The following TBC1D22B variants were observed in gnomAD, a reference collection of about 807,000 sequenced individuals.
TBC1D22B encodes chromosome 6 open reading frame 197.
Under a neutral mutation model 69.1 loss-of-function variants are expected in TBC1D22B, and 32 were observed. The ratio of observed to expected loss-of-function variants is 0.46; its 90% CI spans 0.35 to 0.62. The LOEUF is 0.62. Among genes scored for constraint, TBC1D22B ranks in the 20% least tolerant of loss-of-function variants. The pLI, the probability that TBC1D22B is intolerant of heterozygous loss-of-function variation, is 0.00. For missense variants in TBC1D22B, 462 were observed against 630.9 expected (o/e 0.73, Z 2.87); for synonymous variants, 206 against 229.8 (o/e 0.90, Z 0.94).
chr6:37,309,926 AAATT>A (rs1045441923), intron 8 of TBC1D22B, among the ~76,000 whole-genome samples: 18 of 149,282 alleles, frequency 1.2e-4, no homozygotes, highest in African/African-American at 3.4e-4. Flanking sequence ...TCATTTAACT[AAATT>A]AATTAATTAT....
intron 2 of TBC1D22B, among the ~76,000 whole-genome samples, chr6:37,273,197 A>G (rs1766552752): frequency 6.6e-6 from 1 of 152,022 alleles, no homozygotes; most frequent in Admixed American, 6.5e-5. Context: ...AAAAAAAAAA[A>G]AAAAAAAACG....
chr6:37,316,501 C>G (rs7766759), intron 10 of TBC1D22B, among the ~76,000 whole-genome samples: 3,971 of 152,270 alleles, frequency 0.026, 166 homozygotes, highest in African/African-American at 0.089. Flanking sequence ...ATAGTTCTGT[C>G]TGCTGGGCTG....
intron 4 of TBC1D22B, 89 bp from the exon 5 acceptor site, chr6:37,282,793 A>G: frequency 7.8e-7 from 1 of 1,281,594 alleles, no homozygotes; most frequent in Non-Finnish European, 1.1e-6. Context: ...TCTTACATGG[A>G]TGGAAGGAGA....
intron 1 of TBC1D22B, among the ~76,000 whole-genome samples, chr6:37,267,514 T>C (rs1220896258): frequency 5.1e-5 from 7 of 136,646 alleles, no homozygotes; most frequent in Non-Finnish European, 9.1e-5. Context: ...ATATATATAA[T>C]ATATATATAC....
intron 6 of TBC1D22B, among the ~76,000 whole-genome samples, chr6:37,286,448 T>G (rs1371011893): frequency 6.6e-6 from 1 of 151,690 alleles, no homozygotes; most frequent in Non-Finnish European, 1.5e-5. Flanking sequence ...CCCGAGTAGC[T>G]GGGACTACAG....
chr6:37,325,233 TC>T (rs1287150776), intron 12 of TBC1D22B, among the ~76,000 whole-genome samples: 1 of 152,214 alleles, frequency 6.6e-6, no homozygotes, highest in Non-Finnish European at 1.5e-5. Context: ...GTGTGAATTT[TC>T]AGCAGGTACC....
chr6:37,313,385 T>A (rs1029586198), intron 9 of TBC1D22B, among the ~76,000 whole-genome samples: 1 of 151,498 alleles, frequency 6.6e-6, no homozygotes, highest in Non-Finnish European at 1.5e-5. Context: ...AGGTCCTCAG[T>A]GGGCTAAGGT....
intron 2 of TBC1D22B, among the ~76,000 whole-genome samples, chr6:37,277,993 G>A (rs1377337172): frequency 1.3e-5 from 2 of 151,654 alleles, no homozygotes; most frequent in East Asian, 2.0e-4. Flanking sequence ...ACATGGTGGT[G>A]TGCGCCTATA....
At chr6:37,329,213 G>T (rs780788637) in intron 12 of TBC1D22B, among the ~76,000 whole-genome samples, 1 of 152,148 alleles carries the variant, frequency 6.6e-6, no homozygotes, top group Non-Finnish European at 1.5e-5. Flanking sequence ...ATATTGTTGT[G>T]TTTTTTCTTT....
chr6:37,322,772 G>T (rs195427), intron 12 of TBC1D22B, among the ~76,000 whole-genome samples: 3 of 152,166 alleles, frequency 2.0e-5, no homozygotes, highest in Non-Finnish European at 4.4e-5. Flanking sequence ...GAGGAAAGGC[G>T]TGACAAGCCC....
At chr6:37,266,878 A>G (rs1306138676) in intron 1 of TBC1D22B, among the ~76,000 whole-genome samples, 2 of 150,588 alleles carry the variant, frequency 1.3e-5, no homozygotes, top group Middle Eastern at 3.4e-3. Context: ...TATTGGAATA[A>G]CTGATATATT....
intron 1 of TBC1D22B, among the ~76,000 whole-genome samples, chr6:37,259,686 G>T (rs1766007594): frequency 6.6e-6 from 1 of 152,134 alleles, no homozygotes; most frequent in Non-Finnish European, 1.5e-5. Context: ...TCATTTTGAA[G>T]AATATAGAGA....
In TBC1D22B at chr6:37,274,009, A is replaced by G. The variant is rs568951451; in HGVS notation, c.113+4359A>G. Among the ~76,000 whole-genome samples the G allele has an allele frequency of 9.8e-5, 15 of 152,336 alleles. No individual in the cohort carries two copies. In the South Asian group the frequency reaches 2.1e-3, roughly 21 times the overall value. Reference sequence around the variant, plus strand: ...ATGTGTATTGACTTTAATTTGCCAAATGATTACTATTAGTGATACTATTGC... The same window carrying G: ...ATGTGTATTGACTTTAATTTGCCAAGTGATTACTATTAGTGATACTATTGC... On this transcript the variant is annotated intron_variant, in intron 2 of 12. Transcript: ENST00000373491.
At chr6:37,317,244 C>T (rs1581629443) in intron 12 of TBC1D22B, 38 bp downstream of exon 12, 1 of 1,540,398 alleles carries the variant, frequency 6.5e-7, no homozygotes, top group African/African-American at 1.4e-5. Context: ...AGGGAATGAA[C>T]ATTAGAATGG....
intron 2 of TBC1D22B, among the ~76,000 whole-genome samples, chr6:37,276,736 G>A (rs2113731675): frequency 6.6e-6 from 1 of 152,048 alleles, no homozygotes; most frequent in Admixed American, 6.6e-5. Flanking sequence ...TTTGAGACCA[G>A]CCTGATTAGC....
At chr6:37,329,397 T>C (rs1428823279) in intron 12 of TBC1D22B, among the ~76,000 whole-genome samples, 2 of 152,236 alleles carry the variant, frequency 1.3e-5, no homozygotes, top group Non-Finnish European at 2.9e-5. Context: ...CATTCCCATA[T>C]TGCCAGACGC....
At chr6:37,258,295 C>T (rs1583510937) in intron 1 of TBC1D22B, 2 of 331,440 alleles carry the variant, frequency 6.0e-6, no homozygotes, top group East Asian at 6.6e-5. Flanking sequence ...GGAAGTTCCT[C>T]CCCAGAGCTG....
intron 5 of TBC1D22B, 150 bp downstream of exon 5, chr6:37,283,102 T>A: frequency 1.5e-6 from 1 of 648,876 alleles, no homozygotes; most frequent in East Asian, 2.8e-5. Flanking sequence ...CCTATTTCTG[T>A]GCATAAAGAA....
At chr6:37,273,574 T>A (rs1009702474) in intron 2 of TBC1D22B, among the ~76,000 whole-genome samples, 1 of 152,240 alleles carries the variant, frequency 6.6e-6, no homozygotes, top group Admixed American at 6.5e-5. Context: ...CACCTGTTGA[T>A]GATATAAAAT....
Sources: gnomAD v4.1 joint callset for allele counts (sites outside exome capture counted in the v4.1 genomes callset) on GRCh38, gnomAD v4.1.1 for gene constraint, MANE v1.5 for transcripts, NCBI Gene and HGNC (gene_info 2026-07-23, HGNC 2026-07-21) for gene names.